The following MYO10 variants were observed in gnomAD, a reference collection of about 807,000 sequenced individuals.
MYO10 encodes the protein myosin X, also known as unconventional myosin-X.
Under a neutral mutation model 257.3 loss-of-function variants are expected in MYO10, and 133 were observed. The ratio of observed to expected loss-of-function variants is 0.52; its 90% CI spans 0.45 to 0.60. MYO10 has a LOEUF of 0.60. MYO10 is among the 20% of genes least tolerant of loss of function. The pLI is 0.00. For synonymous variants in MYO10, 1,104 were observed against 1,028.6 expected, an observed-to-expected ratio of 1.07 and a Z score of -1.40; for missense variants, 2,399 against 2,635.7, an observed-to-expected ratio of 0.91 and a Z score of 1.97.
At chr5:16,668,205 G>A in intron 40 of MYO10, 72 bp downstream of exon 40, 2 of 1,454,928 alleles carry the variant, frequency 1.4e-6, no homozygotes, top group East Asian at 2.3e-5. Flanking sequence ...TCAAAGGCAT[G>A]AGGAAATGGG....
intron 19 of MYO10, among the ~76,000 whole-genome samples, chr5:16,739,044 A>G (rs1739916539): frequency 6.6e-6 from 1 of 152,100 alleles, no homozygotes; most frequent in Non-Finnish European, 1.5e-5. Context: ...ACACAGAGCC[A>G]GGAGCAGTGG....
intron 32 of MYO10, among the ~76,000 whole-genome samples, 154 bp from the exon 33 acceptor site, chr5:16,680,258 G>A (rs1176635979): frequency 6.6e-6 from 1 of 152,104 alleles, no homozygotes; most frequent in Non-Finnish European, 1.5e-5. Context: ...CCCTGCACTA[G>A]GTATCTAGTG....
chr5:16,782,971 C>T (rs774024738), intron 5 of MYO10, among the ~76,000 whole-genome samples: 24 of 152,158 alleles, frequency 1.6e-4, no homozygotes, highest in Admixed American at 3.3e-4. Context: ...CTGCTGCTAA[C>T]AAGGCCTCCA....
rs564472420 is a variant in MYO10, at chr5:16,914,124, T to C, written c.21+21664A>G. On this transcript the variant is annotated intron_variant, in intron 1 of 40. Transcript: ENST00000513610. ...TGATAAAGACCTTAATGTTCCAGCA[T>C]GGTACTGCAAGCTGGGCCAAGGGTT... is the stretch of plus-strand genomic sequence containing the variant. Among the ~76,000 whole-genome samples the C allele has an allele frequency of 3.2e-4, 48 of 152,308 alleles. 1 individual carries two copies. In the South Asian group the frequency reaches 9.3e-3, roughly 30 times the overall value.
intron 26 of MYO10, among the ~76,000 whole-genome samples, chr5:16,698,505 G>C (rs1024428672): frequency 6.6e-6 from 1 of 152,148 alleles, no homozygotes. Context: ...TGCTCATCAT[G>C]AAGTAGGTAT....
At chr5:16,883,918 G>A (rs1453527014) in intron 1 of MYO10, among the ~76,000 whole-genome samples, 1 of 152,172 alleles carries the variant, frequency 6.6e-6, no homozygotes, top group African/African-American at 2.4e-5. Context: ...TCACGAAAAA[G>A]AGAACATTCT....
At chr5:16,671,291 G>A (rs1736448281) in intron 38 of MYO10, 131 bp downstream of exon 38, 6 of 1,138,232 alleles carry the variant, frequency 5.3e-6, no homozygotes, top group Non-Finnish European at 7.4e-6. Flanking sequence ...AAGAGCAGCT[G>A]GTCTTGTCTT....
intron 1 of MYO10, among the ~76,000 whole-genome samples, chr5:16,920,073 T>C (rs1745938956): frequency 6.6e-6 from 1 of 151,906 alleles, no homozygotes; most frequent in African/African-American, 2.4e-5. Flanking sequence ...ATTGTGCCAC[T>C]GCACTCCAGC....
intron 2 of MYO10, among the ~76,000 whole-genome samples, chr5:16,865,829 A>AATT (rs1352157065): frequency 1.4e-5 from 2 of 141,994 alleles, no homozygotes; most frequent in African/African-American, 6.1e-5. Context: ...TAATAATAAT[A>AATT]ATAATAGTAA....
chr5:16,757,132 A>T (rs993175656), intron 18 of MYO10, among the ~76,000 whole-genome samples: 1 of 149,826 alleles, frequency 6.7e-6, no homozygotes, highest in South Asian at 2.1e-4. Flanking sequence ...AAAAAAAAAA[A>T]AAAAAAAAAA....
intron 18 of MYO10, among the ~76,000 whole-genome samples, chr5:16,757,105 C>A (rs904999000): frequency 7.7e-6 from 1 of 129,766 alleles, no homozygotes; most frequent in South Asian, 2.4e-4. Flanking sequence ...GGTGACAGAG[C>A]GAGACTCTGC....
At chr5:16,864,294 C>T (rs1744183650) in intron 2 of MYO10, among the ~76,000 whole-genome samples, 1 of 152,076 alleles carries the variant, frequency 6.6e-6, no homozygotes, top group African/African-American at 2.4e-5. Context: ...GAGCTTCATT[C>T]ATCCATTCAG....
chr5:16,729,986 G>A (rs1420132069), intron 19 of MYO10, among the ~76,000 whole-genome samples: 2 of 152,136 alleles, frequency 1.3e-5, no homozygotes, highest in Non-Finnish European at 2.9e-5. Flanking sequence ...GGGGCACCGA[G>A]GGGAGTCTCT....
At chr5:16,698,456 T>C (rs1174645933) in intron 26 of MYO10, among the ~76,000 whole-genome samples, 1 of 151,860 alleles carries the variant, frequency 6.6e-6, no homozygotes. Flanking sequence ...CAGCAAAGTA[T>C]ACTCAAATGT....
intron 26 of MYO10, among the ~76,000 whole-genome samples, chr5:16,695,205 G>A (rs960736254): frequency 6.6e-6 from 1 of 152,080 alleles, no homozygotes; most frequent in African/African-American, 2.4e-5. Context: ...ATGGTGGTGC[G>A]TGCCTGTAAT....
intron 2 of MYO10, among the ~76,000 whole-genome samples, chr5:16,853,065 A>T (rs1222069801): frequency 1.3e-5 from 2 of 151,758 alleles, no homozygotes; most frequent in Non-Finnish European, 2.9e-5. Flanking sequence ...AATCCATTAT[A>T]AAAAAAAATC....
chr5:16,690,997 T>C (rs1263652642), intron 27 of MYO10, among the ~76,000 whole-genome samples: 1 of 151,988 alleles, frequency 6.6e-6, no homozygotes, highest in Non-Finnish European at 1.5e-5. Context: ...CGGCCGGGCG[T>C]GGTGGCTCAC....
At chr5:16,895,026 TCA>T (rs1745178474) in intron 1 of MYO10, among the ~76,000 whole-genome samples, 1 of 152,126 alleles carries the variant, frequency 6.6e-6, no homozygotes, top group Admixed American at 6.5e-5. Context: ...AAAAACAGTC[TCA>T]GACTAACCCG....
intron 26 of MYO10, among the ~76,000 whole-genome samples, chr5:16,698,139 G>A (rs973143942): frequency 6.6e-6 from 1 of 152,172 alleles, no homozygotes; most frequent in African/African-American, 2.4e-5. Context: ...GGGAGGCCAA[G>A]GTGGGAGGAC....
Sources: gnomAD v4.1 joint callset for allele counts (sites outside exome capture counted in the v4.1 genomes callset) on GRCh38, gnomAD v4.1.1 for gene constraint, MANE v1.5 for transcripts, NCBI Gene and HGNC (gene_info 2026-07-23, HGNC 2026-07-21) for gene names.